Variants in STK11IP observed in about 807,000 individuals in gnomAD.
STK11IP encodes serine/threonine kinase 11 interacting protein, also known as serine/threonine-protein kinase 11-interacting protein.
STK11IP carries 103 observed loss-of-function variants against 131.7 expected under a neutral mutation model. The observed-to-expected ratio is 0.78, with a 90% CI of 0.67 to 0.92. The LOEUF is 0.92. STK11IP is among the 40% of genes least tolerant of loss of function. The pLI is 0.00. For missense variants in STK11IP, 1,315 were observed against 1,385.7 expected (o/e 0.95, Z 0.81); for synonymous variants, 557 against 575.6 (o/e 0.97, Z 0.46).
intron 7 of STK11IP, among the ~76,000 whole-genome samples, chr2:219,604,923 G>C (rs1201976321): frequency 6.6e-6 from 1 of 152,014 alleles, no homozygotes; most frequent in Non-Finnish European, 1.5e-5. Context: ...TCTGCCTCCC[G>C]GGTTCAAGCG....
intron 17 of STK11IP, among the ~76,000 whole-genome samples, chr2:219,611,004 A>G (rs866985745): frequency 6.6e-6 from 1 of 152,216 alleles, no homozygotes; most frequent in Non-Finnish European, 1.5e-5. Context: ...ATCACGGTGT[A>G]GCTGCTCAGA....
At position 219,608,127 on chromosome 2, in the gene STK11IP, A is replaced by G; in HGVS notation, c.1300A>G (p.Arg434Gly). ...ERFGRNWLQY[R>G]SHLEPSGNPL... ...GTTCGGCCGCAACTGGCTGCAGTAC[A>G]GGAGTCACCTGGAGCCCTCCGGAAA... is the stretch of plus-strand genomic sequence containing the variant. Residue 434 changes from arginine to glycine, a missense_variant, in exon 14 of 25, where the codon AGG (arginine) becomes GGG (glycine). Physicochemically the swap from Arg to Gly is moderately radical, Grantham distance 125 (BLOSUM62 -2). Coordinates refer to ENST00000456909, the MANE Select transcript of STK11IP (RefSeq NM_052902.4). 6.2e-7 allele frequency: 1 copy of G among 1,613,418 alleles called. No homozygotes were observed. Among genetic ancestry groups the G allele is most frequent in the Non-Finnish European group, 8.5e-7 (1 of 1,179,892 alleles).
chr2:219,615,636 C>A, intron 24 of STK11IP: 1 of 652,948 alleles, frequency 1.5e-6, no homozygotes, highest in South Asian at 1.5e-5. Context: ...AGGATTGGGC[C>A]GGTTGTATGC....
intron 17 of STK11IP, 122 bp downstream of exon 17, chr2:219,609,662 G>T: frequency 1.7e-6 from 2 of 1,179,084 alleles, no homozygotes; most frequent in Non-Finnish European, 2.4e-6. Context: ...GAGAGCAGTT[G>T]TTCTGCCTGG....
In STK11IP at chr2:219,602,656, T is replaced by A. The variant is rs766184563; in HGVS notation, c.547-49T>A. 1.1e-5 allele frequency: 17 copies of A among 1,611,630 alleles called. No homozygotes were observed. In the East Asian group the frequency reaches 3.6e-4, roughly 34 times the overall value. On this transcript the variant is annotated intron_variant, in intron 6 of 24. Transcript: ENST00000456909. ...GAGGAGGGCCAGCTGGTTGACCAGA[T>A]AGTATTGTAGTGAACATCGATTCTC...
At position 219,615,686 on chromosome 2, in the gene STK11IP, G is replaced by A. The variant is rs540617014; in HGVS notation, c.3117+345G>A. 818 of 639,548 alleles carry A rather than the reference G, an allele frequency of 1.3e-3. 1 individual carries two copies. The highest frequency in any genetic ancestry group is 2.1e-3 in the Non-Finnish European group (700 of 336,076). 39.6% of individuals were successfully genotyped at this position (639,548 alleles called of 1,614,324 possible). ...TTGTGACCACCACCTGAGGAGATAC[G>A]GTTACTGGTCCTATTTACAGGTGAG... On this transcript the variant is annotated intron_variant, in intron 24 of 24. Transcript: ENST00000456909.
At chr2:219,599,774 C>T (rs2106143507) in intron 2 of STK11IP, among the ~76,000 whole-genome samples, 1 of 151,916 alleles carries the variant, frequency 6.6e-6, no homozygotes, top group Non-Finnish European at 1.5e-5. Context: ...CGCTCTGTCA[C>T]CCAGGCTGGA....
chr2:219,615,553 C>T (rs1470492997), intron 24 of STK11IP, among the ~76,000 whole-genome samples: 2 of 152,150 alleles, frequency 1.3e-5, no homozygotes, highest in South Asian at 2.1e-4. Flanking sequence ...AGGGGAGACA[C>T]CTGGACTGGG....
In STK11IP at chr2:219,597,918, G is replaced by T. The variant is rs681747; in HGVS notation, c.-32G>T. ...AGCTGGTAGGAGGACCAGACGGGGA[G>T]GTTCGGTATGTCTGACCAGGACTTA... is the stretch of plus-strand genomic sequence containing the variant. On this transcript the variant is annotated 5_prime_UTR_variant, in exon 1 of 25. The change creates a new upstream start codon in the 5' untranslated region. Transcript: ENST00000456909. The T allele has an allele frequency of 0.95, 1,531,701 of 1,611,830 alleles. 736,115 individuals carry two copies. The highest frequency in any genetic ancestry group is 1 in the East Asian group (44,515 of 44,624).
intron 2 of STK11IP, among the ~76,000 whole-genome samples, chr2:219,599,075 A>G (rs1697894204): frequency 6.6e-6 from 1 of 152,042 alleles, no homozygotes; most frequent in Non-Finnish European, 1.5e-5. Flanking sequence ...CTCTCTTTAT[A>G]GCAGTTTTCT....
Position 219,616,346 on chromosome 2 carries a change from G to A in STK11IP, c.*153G>A. Reference sequence around the variant, plus strand: ...GTCCCAAATGACCCAGGGCTTAAGGGAGAGGCGAGAGAATGATCTGGCCTC... The same window carrying A: ...GTCCCAAATGACCCAGGGCTTAAGGAAGAGGCGAGAGAATGATCTGGCCTC... On this transcript the variant is annotated 3_prime_UTR_variant, in exon 25 of 25. Transcript: ENST00000456909. 1 of 987,392 alleles carries A rather than the reference G, an allele frequency of 1.0e-6. No individual in the cohort carries two copies. Among genetic ancestry groups the A allele is most frequent in the Non-Finnish European group, 1.4e-6 (1 of 691,052 alleles). The allele number at this position is 987,392 out of a possible 1,614,324, so 61.2% of individuals were successfully genotyped here.
Position 219,606,784 on chromosome 2 carries a change from T to A in STK11IP, c.1060T>A (p.Ser354Thr). 1 of 1,613,770 alleles carries A rather than the reference T, an allele frequency of 6.2e-7. No individual in the cohort carries two copies. Among genetic ancestry groups the A allele is most frequent in the Non-Finnish European group, 8.5e-7 (1 of 1,179,844 alleles). The change falls in exon 12 of 25, where the codon TCA becomes ACA. Residue 354 changes from serine to threonine, a missense_variant. Physicochemically the swap from Ser to Thr is moderately conservative, Grantham distance 58 (BLOSUM62 1). Coordinates refer to ENST00000456909, the MANE Select transcript of STK11IP (RefSeq NM_052902.4). ...PWPVGSTPETSGGPDLSDSLS... is the reference protein window; with the variant it reads ...PWPVGSTPETTGGPDLSDSLS... ...GCCAGTGGGGAGTACTCCTGAAACC[T>A]CAGGTGGCCCTGACCTGAGTGACAG...
At chr2:219,606,406 G>T in intron 10 of STK11IP, 70 bp from the exon 11 acceptor site, 1 of 1,568,284 alleles carries the variant, frequency 6.4e-7, no homozygotes, top group Non-Finnish European at 8.7e-7. Flanking sequence ...TGCTTACTGT[G>T]TTCTTAATAC....
chr2:219,607,793 G>A (rs575860784), intron 13 of STK11IP, among the ~76,000 whole-genome samples: 1 of 152,244 alleles, frequency 6.6e-6, no homozygotes, highest in South Asian at 2.1e-4. Context: ...CGGCCGTCTC[G>A]GGCCCTTCAG....
At chr2:219,610,582 T>G (rs1225643324) in intron 17 of STK11IP, among the ~76,000 whole-genome samples, 2 of 152,092 alleles carry the variant, frequency 1.3e-5, no homozygotes, top group African/African-American at 4.8e-5. Flanking sequence ...TTTTGTATTT[T>G]TAGTAGAGAT....
Position 219,611,717 on chromosome 2 carries a change from C to G in STK11IP, c.2218C>G (p.Pro740Ala). The G allele has an allele frequency of 6.2e-7, 1 of 1,613,088 alleles. No homozygotes were observed. The highest frequency in any genetic ancestry group is 1.6e-4 in the Middle Eastern group (1 of 6,062). Reference sequence around the variant, plus strand: ...GGGAGAGCAGTCTCTGGCTCCTTCTCCGTCTGCCAGCCCTGTCTGCCACCC... The same window carrying G: ...GGGAGAGCAGTCTCTGGCTCCTTCTGCGTCTGCCAGCCCTGTCTGCCACCC... Reference protein sequence around the residue: ...KQGEQSLAPSPSASPVCHPPG... With the variant: ...KQGEQSLAPSASASPVCHPPG... Residue 740 changes from proline (P) to alanine (A), a missense_variant, in exon 18 of 25, where the codon CCG (proline) becomes GCG (alanine). By Grantham distance (27) the Pro-to-Ala change is conservative. Coordinates refer to ENST00000456909, the MANE Select transcript of STK11IP (RefSeq NM_052902.4).
Position 219,609,204 on chromosome 2 carries a change from A to G in STK11IP, c.1917A>G (p.Ala639=), listed in dbSNP as rs765926497. 15 of 1,602,556 alleles carry G rather than the reference A, an allele frequency of 9.4e-6. No individual in the cohort carries two copies. The Admixed American group carries it at 2.2e-4, about 24-fold the overall frequency. ...RYLVLEPDAH[A]AVQELLAVLT... ...TGGTGCTGGAGCCTGATGCCCACGC[A>G]GCTGTCCAGGTGATGGCGCCCAGAG... Residue 639 remains alanine (A), a synonymous_variant, in exon 16 of 25, where the codon GCA becomes GCG. Transcript: ENST00000456909.
chr2:219,609,986 C>T (rs183066344), intron 17 of STK11IP: 53 of 201,022 alleles, frequency 2.6e-4, no homozygotes, highest in African/African-American at 1.1e-3. Flanking sequence ...TTATCCTTCC[C>T]GGCTGACCTT....
chr2:219,615,924 G>T (rs1300224086), intron 24 of STK11IP, 120 bp from the exon 25 acceptor site: 9 of 1,290,386 alleles, frequency 7.0e-6, no homozygotes, highest in Non-Finnish European at 9.8e-6. Context: ...ACATGGGCCT[G>T]GGGAAGGGGA....
Sources: allele counts gnomAD v4.1 joint callset (sites outside exome capture counted in the v4.1 genomes callset), GRCh38; gene constraint gnomAD v4.1.1; transcripts MANE v1.5; gene names NCBI Gene and HGNC (gene_info 2026-07-23, HGNC 2026-07-21).